The following NTRK2 variants were observed in gnomAD, a reference collection of about 807,000 sequenced individuals.
NTRK2 encodes the protein neurotrophic receptor tyrosine kinase 2.
In NTRK2, 13 loss-of-function variants were observed where a neutral mutation model predicts 94.5. That is an observed-to-expected ratio of 0.14 (90% CI 0.09 to 0.22). The LOEUF (loss-of-function observed/expected upper bound fraction) is 0.22. Ranked by LOEUF, NTRK2 falls within the 10% of genes least tolerant of loss-of-function variation. The pLI, the probability that NTRK2 is intolerant of heterozygous loss-of-function variation, is 1.00. For missense variants in NTRK2, 639 were observed against 1,071.2 expected (o/e 0.60, Z 5.63); for synonymous variants, 372 against 407.4 (o/e 0.91, Z 1.05).
At chr9:84,777,541 G>A (rs745346606) in intron 12 of NTRK2, among the ~76,000 whole-genome samples, 1 of 152,128 alleles carries the variant, frequency 6.6e-6, no homozygotes, top group Non-Finnish European at 1.5e-5. Context: ...GAACAAGAGA[G>A]TTTGGAGAAG....
chr9:84,770,471 G>T (rs2066447788), intron 12 of NTRK2, among the ~76,000 whole-genome samples: 1 of 152,066 alleles, frequency 6.6e-6, no homozygotes, highest in Admixed American at 6.6e-5. Context: ...CCTCTCCTGG[G>T]AGCCCCTCCT....
rs1173199220 is a variant in NTRK2, at chr9:84,706,521, G to GTTTTTT, written c.360-1318_360-1317insTTTTTT. Among the ~76,000 whole-genome samples the GTTTTTT allele has an allele frequency of 5.5e-3, 523 of 95,288 alleles. 81 individuals carry two copies. The highest frequency in any genetic ancestry group is 6.6e-3 in the Non-Finnish European group (337 of 50,970). 62.5% of individuals were successfully genotyped at this position (95,288 alleles called of 152,430 possible). On this transcript the variant is annotated intron_variant, in intron 4 of 18. Coordinates refer to ENST00000277120, the MANE Select transcript of NTRK2 (RefSeq NM_006180.6). ...TCAGATCTCATGTGTGTTATTTTTT[G>GTTTTTT]TTTTTGTTTTTTTTTTTTTTTTTTT... is the stretch of plus-strand genomic sequence containing the variant.
chr9:84,963,087 C>G (rs1302741797), intron 17 of NTRK2, among the ~76,000 whole-genome samples: 1 of 152,222 alleles, frequency 6.6e-6, no homozygotes, highest in Non-Finnish European at 1.5e-5. Flanking sequence ...GCTGCAGCAA[C>G]TCCAAACATT....
intron 14 of NTRK2, among the ~76,000 whole-genome samples, chr9:84,933,303 C>T (rs938609325): frequency 2.6e-5 from 4 of 152,188 alleles, no homozygotes; most frequent in African/African-American, 9.7e-5. Flanking sequence ...TCCTTGTGGG[C>T]CTGTCCTCCA....
chr9:84,838,284 G>T (rs2073987199), intron 12 of NTRK2, among the ~76,000 whole-genome samples: 1 of 152,076 alleles, frequency 6.6e-6, no homozygotes, highest in South Asian at 2.1e-4. Flanking sequence ...AAGATTGTTA[G>T]TCTCCACAGA....
At chr9:84,703,432 C>G (rs549234669) in intron 4 of NTRK2, among the ~76,000 whole-genome samples, 39 of 152,258 alleles carry the variant, frequency 2.6e-4, no homozygotes, top group African/African-American at 8.4e-4. Flanking sequence ...AGAGTTATGA[C>G]TCCAGGGCCA....
Position 84,712,608 on chromosome 9 carries a change from C to T in NTRK2, c.583+1817C>T, listed in dbSNP as rs550560998. On this transcript the variant is annotated intron_variant, in intron 6 of 18. Transcript: ENST00000277120. ...GAATCGACAGACTTATTTTTCCTAT[C>T]GTTTTTGTGTTCTTAACTGTTTTGT... is the stretch of plus-strand genomic sequence containing the variant. 7.9e-5 allele frequency among the ~76,000 whole-genome samples: 12 copies of T among 152,118 alleles called. No homozygotes were observed. In the South Asian group the frequency reaches 2.5e-3, roughly 32 times the overall value.
chr9:84,980,811 G>A (rs544011096), intron 17 of NTRK2, among the ~76,000 whole-genome samples: 3 of 152,338 alleles, frequency 2.0e-5, no homozygotes, highest in South Asian at 2.1e-4. Context: ...GCGTAAGCTC[G>A]TGATGCCAAA....
At chr9:84,725,343 A>ATTT (rs1328370653) in intron 8 of NTRK2, among the ~76,000 whole-genome samples, 4 of 152,158 alleles carry the variant, frequency 2.6e-5, no homozygotes, top group Admixed American at 1.3e-4. Flanking sequence ...TGGGTACTAA[A>ATTT]CTCATAATTT....
At chr9:84,988,011 G>T (rs375921866) in intron 17 of NTRK2, among the ~76,000 whole-genome samples, 1 of 152,220 alleles carries the variant, frequency 6.6e-6, no homozygotes, top group East Asian at 1.9e-4. Context: ...CCCCCATGGG[G>T]CTCTGCAGGG....
chr9:84,721,333 G>A lies in NTRK2; in HGVS notation c.584-2240G>A, dbSNP rs919691853. 2.0e-5 allele frequency among the ~76,000 whole-genome samples: 3 copies of A among 152,042 alleles called. No homozygotes were observed. In the South Asian group the frequency reaches 6.2e-4, roughly 32 times the overall value. On this transcript the variant is annotated intron_variant, in intron 6 of 18. Coordinates refer to ENST00000277120, the MANE Select transcript of NTRK2 (RefSeq NM_006180.6). ...TGGGATTACAGGCACCCGCCACTGC[G>A]CACGGCTAATTTTTTGTATTTTTTA... is the stretch of plus-strand genomic sequence containing the variant.
At chr9:84,740,270 A>G (rs1044911484) in intron 9 of NTRK2, among the ~76,000 whole-genome samples, 4 of 152,210 alleles carry the variant, frequency 2.6e-5, no homozygotes, top group Admixed American at 6.5e-5. Context: ...CTGCTGCTTT[A>G]TTCATTGAGT....
At chr9:84,752,146 C>T (rs1474289725) in intron 12 of NTRK2, 61 bp downstream of exon 12, 1 of 1,216,666 alleles carries the variant, frequency 8.2e-7, no homozygotes. Context: ...ATGACTAATG[C>T]TAATTACCAC....
At chr9:84,875,689 CT>C (rs2076036346) in intron 14 of NTRK2, 1 of 1,054,186 alleles carries the variant, frequency 9.5e-7, no homozygotes, top group Non-Finnish European at 1.1e-6. Context: ...CTGGAGTCTC[CT>C]TTTGGTCACT....
intron 13 of NTRK2, among the ~76,000 whole-genome samples, chr9:84,861,772 C>T (rs548470053): frequency 1.1e-4 from 16 of 152,220 alleles, no homozygotes; most frequent in South Asian, 4.2e-4. Context: ...CATGAAAAGA[C>T]GGCATTCTTA....
At chr9:84,703,964 G>GT (rs1446021635) in intron 4 of NTRK2, among the ~76,000 whole-genome samples, 1 of 152,178 alleles carries the variant, frequency 6.6e-6, no homozygotes, top group East Asian at 1.9e-4. Context: ...AATGACCTCA[G>GT]TGGTTAAGTT....
chr9:84,774,754 A>G lies in NTRK2; in HGVS notation c.1396+22669A>G, dbSNP rs189023599. On this transcript the variant is annotated intron_variant, in intron 12 of 18. Transcript: ENST00000277120. ...TAATTCTATTTAAACCAGATTCACAAAGTGTATTTAACCACAGAAATCTTT... is the reference window on the plus strand; with the variant it reads ...TAATTCTATTTAAACCAGATTCACAGAGTGTATTTAACCACAGAAATCTTT... 7.2e-5 allele frequency among the ~76,000 whole-genome samples: 11 copies of G among 152,356 alleles called. No homozygotes were observed. In the East Asian group the frequency reaches 2.1e-3, roughly 29 times the overall value.
At chr9:84,993,630 T>A (rs1240005041) in intron 17 of NTRK2, among the ~76,000 whole-genome samples, 1 of 152,208 alleles carries the variant, frequency 6.6e-6, no homozygotes, top group African/African-American at 2.4e-5. Context: ...AAATCTTCTA[T>A]GTTTTCTCAT....
chr9:84,840,391 AG>A (rs1485819813), intron 12 of NTRK2, among the ~76,000 whole-genome samples: 1 of 151,402 alleles, frequency 6.6e-6, no homozygotes, highest in African/African-American at 2.4e-5. Context: ...AGCTGTCTGA[AG>A]AAAACACCCA....
Sources: allele counts gnomAD v4.1 joint callset (sites outside exome capture counted in the v4.1 genomes callset), GRCh38; gene constraint gnomAD v4.1.1; transcripts MANE v1.5; gene names NCBI Gene and HGNC (gene_info 2026-07-23, HGNC 2026-07-21).